The following ZC3H12B variants were observed in gnomAD, a reference collection of about 807,000 sequenced individuals.
ZC3H12B encodes probable ribonuclease ZC3H12B.
In ZC3H12B, 7 loss-of-function variants were observed where a neutral mutation model predicts 43.9. That is an observed-to-expected ratio of 0.16 (90% confidence interval 0.09 to 0.30). The LOEUF (loss-of-function observed/expected upper bound fraction) is 0.30, where lower values mean the gene tolerates loss of function less well. Among genes scored for constraint, ZC3H12B ranks in the 10% least tolerant of loss-of-function variants. The pLI is 1.00. For missense variants in ZC3H12B, 475 were observed against 670.2 expected (o/e 0.71, Z 3.22); for synonymous variants, 222 against 241.7 (o/e 0.92, Z 0.76).
the ZC3H12B span, among the ~76,000 whole-genome samples, chrX:65,176,597 A>G: frequency 8.9e-6 from 1 of 111,946 alleles, no homozygotes; most frequent in South Asian, 3.8e-4. Context: ...TGGAGGGGAT[A>G]ACACCGCTGA....
intron 3 of ZC3H12B, among the ~76,000 whole-genome samples, chrX:65,463,127 A>G (rs2067773512): frequency 8.9e-6 from 1 of 111,763 alleles, no homozygotes; most frequent in Non-Finnish European, 1.9e-5. Flanking sequence ...AAGAGGGAGG[A>G]AGAAATGTGG....
At chrX:65,281,797 G>A in the ZC3H12B span, among the ~76,000 whole-genome samples, 7 of 112,034 alleles carry the variant, frequency 6.2e-5, no homozygotes, top group African/African-American at 1.9e-4. Flanking sequence ...AAAAACACAG[G>A]CAACAAAATC....
the ZC3H12B span, among the ~76,000 whole-genome samples, chrX:65,047,519 T>C: frequency 1.2e-4 from 13 of 111,411 alleles, no homozygotes; most frequent in Admixed American, 5.7e-4. Context: ...GCTAACACTT[T>C]ATAAAGACAC....
the ZC3H12B span, among the ~76,000 whole-genome samples, chrX:65,064,969 CT>C: frequency 9.1e-6 from 1 of 109,316 alleles, no homozygotes; most frequent in Non-Finnish European, 1.9e-5. Flanking sequence ...GCAACTCCTG[CT>C]TTTTTTTTCT....
the ZC3H12B span, among the ~76,000 whole-genome samples, chrX:65,060,433 C>CT: frequency 1.8e-5 from 2 of 111,942 alleles, no homozygotes; most frequent in African/African-American, 6.5e-5. Context: ...TTATCACATG[C>CT]TTTTTCCATA....
the ZC3H12B span, among the ~76,000 whole-genome samples, chrX:65,042,793 A>G: frequency 1.2e-4 from 14 of 112,082 alleles, no homozygotes; most frequent in East Asian, 3.9e-3. Flanking sequence ...AAGAAAGTGC[A>G]GAAAGTGTAG....
the ZC3H12B span, among the ~76,000 whole-genome samples, chrX:65,260,069 G>T: frequency 2.7e-5 from 3 of 111,177 alleles, no homozygotes; most frequent in Non-Finnish European, 5.7e-5. Context: ...GGGAACTCGT[G>T]GGAAAGGGTA....
At chrX:65,384,638 T>C (rs1391264651) in intron 2 of ZC3H12B, among the ~76,000 whole-genome samples, 5 of 111,628 alleles carry the variant, frequency 4.5e-5, no homozygotes, top group Admixed American at 9.6e-5. Context: ...TTGCTTATCA[T>C]TGAATGTTAC....
At chrX:65,084,431 C>A in the ZC3H12B span, among the ~76,000 whole-genome samples, 12 of 111,297 alleles carry the variant, frequency 1.1e-4, no homozygotes, top group Non-Finnish European at 1.9e-5. Flanking sequence ...ATAATCTGAT[C>A]AAAAAATGGG....
chrX:65,222,142 T>C, the ZC3H12B span, among the ~76,000 whole-genome samples: 5 of 111,603 alleles, frequency 4.5e-5, no homozygotes, highest in East Asian at 1.1e-3. Flanking sequence ...TTTTACAAAA[T>C]CCAGCATCAC....
At chrX:65,219,049 G>A in the ZC3H12B span, among the ~76,000 whole-genome samples, 1 of 111,524 alleles carries the variant, frequency 9.0e-6, no homozygotes, top group African/African-American at 3.3e-5. Context: ...GCTCCACTGG[G>A]TGGCTAGATC....
chrX:65,316,285 CACTAA>C, the ZC3H12B span, among the ~76,000 whole-genome samples: 1 of 111,767 alleles, frequency 8.9e-6, no homozygotes, highest in Admixed American at 9.5e-5. Context: ...TTCCCAATCT[CACTAA>C]AGAGGCCAGC....
the ZC3H12B span, among the ~76,000 whole-genome samples, chrX:65,165,937 C>G: frequency 8.9e-6 from 1 of 112,159 alleles, no homozygotes; most frequent in Non-Finnish European, 1.9e-5. Flanking sequence ...TTCTATTTCT[C>G]CATATTCTTA....
At chrX:65,310,092 G>A in the ZC3H12B span, among the ~76,000 whole-genome samples, 1 of 111,992 alleles carries the variant, frequency 8.9e-6, no homozygotes, top group Non-Finnish European at 1.9e-5. Context: ...ACTGGCACAA[G>A]ACATGGATGC....
At chrX:65,071,182 GT>G in the ZC3H12B span, among the ~76,000 whole-genome samples, 1 of 109,531 alleles carries the variant, frequency 9.1e-6, no homozygotes, top group Non-Finnish European at 1.9e-5. Context: ...TTCTTGTTAA[GT>G]TGTACCCTTT....
upstream of ZC3H12B, among the ~76,000 whole-genome samples, chrX:65,363,768 C>T (rs942325889): frequency 2.7e-5 from 3 of 112,111 alleles, no homozygotes; most frequent in Middle Eastern, 4.6e-3. Context: ...CGGCCGCTCC[C>T]GCCCTAATAC....
chrX:65,161,099 A>G, the ZC3H12B span, among the ~76,000 whole-genome samples: 3 of 111,021 alleles, frequency 2.7e-5, no homozygotes, highest in Admixed American at 2.9e-4. Flanking sequence ...CCTGAGTTCT[A>G]GTTTGATTGC....
At chrX:65,191,696 T>C in the ZC3H12B span, among the ~76,000 whole-genome samples, 2 of 108,252 alleles carry the variant, frequency 1.8e-5, no homozygotes, top group Non-Finnish European at 3.8e-5. Context: ...TCTCTTTTTT[T>C]CTTTATTAGT....
the ZC3H12B span, among the ~76,000 whole-genome samples, chrX:65,066,391 C>T: frequency 5.4e-5 from 6 of 111,728 alleles, no homozygotes; most frequent in African/African-American, 1.6e-4. Flanking sequence ...CTTCTAACAG[C>T]AGGCTCCTCT....
Sources: gnomAD v4.1 joint callset for allele counts (sites outside exome capture counted in the v4.1 genomes callset) on GRCh38, gnomAD v4.1.1 for gene constraint, MANE v1.5 for transcripts, NCBI Gene and HGNC (gene_info 2026-07-23, HGNC 2026-07-21) for gene names.